Variants in TNFRSF14 observed in about 807,000 individuals in gnomAD.
TNFRSF14 encodes TNF receptor superfamily member 14, also known as tumor necrosis factor receptor superfamily member 14.
TNFRSF14 carries 18 observed loss-of-function variants against 34.1 expected under a neutral mutation model. The ratio of observed to expected loss-of-function variants is 0.53; its 90% CI spans 0.36 to 0.78. TNFRSF14 has a LOEUF of 0.78. Ranked by LOEUF, TNFRSF14 falls within the 30% of genes least tolerant of loss-of-function variation. The probability of loss-of-function intolerance (pLI) is 0.00; values close to 1 mark genes in which losing one functional copy is unlikely to be tolerated. For synonymous variants in TNFRSF14, 157 were observed against 153.2 expected (o/e 1.02, Z -0.18); for missense variants, 352 against 379.5 (o/e 0.93, Z 0.60).
chr1:2,561,351 T>A lies in TNFRSF14; in HGVS notation c.552-322T>A. On this transcript the variant is annotated intron_variant, in intron 5 of 7. Transcript: ENST00000355716. The surrounding 1 kb of genome is among the most constrained non-coding windows in gnomAD (Gnocchi z 6.0). ...TCTCCCTCTACCTTCTGTCCTTGTC[T>A]GCCACTGGTCTCCCGTGCTCTGGGG... 1.3e-6 allele frequency: 1 copy of A among 747,628 alleles called. No homozygotes were observed. 46.3% of individuals were successfully genotyped at this position (747,628 alleles called of 1,614,324 possible). A position where few individuals can be genotyped will look rare whatever the true frequency, so the allele number is the denominator to read the frequency against.
intron 1 of TNFRSF14, chr1:2,556,974 C>T (rs989996838): frequency 3.4e-5 from 16 of 476,366 alleles, no homozygotes; most frequent in Non-Finnish European, 4.1e-5. Context: ...GTCCCCCACT[C>T]ACCACTCCGT....
intron 6 of TNFRSF14, 45 bp from the exon 7 acceptor site, chr1:2,562,820 G>A (rs537977706): frequency 3.7e-6 from 6 of 1,613,442 alleles, no homozygotes; most frequent in Admixed American, 1.7e-5. Context: ...TGTGTCCCCT[G>A]ATCAGACACT....
intron 3 of TNFRSF14, 91 bp from the exon 4 acceptor site, chr1:2,559,732 C>G: frequency 6.5e-7 from 1 of 1,539,356 alleles, no homozygotes; most frequent in East Asian, 2.4e-5. Context: ...GGCGCCCTGG[C>G]AGCAGTCCTT....
chr1:2,563,663 C>T lies in TNFRSF14; in HGVS notation c.*390C>T. 2 of 275,554 alleles carry T rather than the reference C, an allele frequency of 7.3e-6. No homozygotes were observed. The highest frequency in any genetic ancestry group is 1.4e-5 in the Non-Finnish European group (2 of 144,874). 17.1% of individuals were successfully genotyped at this position (275,554 alleles called of 1,614,324 possible). On this transcript the variant is annotated 3_prime_UTR_variant, in exon 8 of 8. Coordinates refer to ENST00000355716, the MANE Select transcript of TNFRSF14 (RefSeq NM_003820.4). ...AGGACAGGCCCCGGGCACTGCCTCA[C>T]AGCCAAGGCTGGACTGGGTTGGCTG... is the stretch of plus-strand genomic sequence containing the variant.
intron 4 of TNFRSF14, 158 bp from the exon 5 acceptor site, chr1:2,560,466 C>T (rs761739284): frequency 2.0e-5 from 12 of 608,326 alleles, no homozygotes; most frequent in South Asian, 1.6e-4. Flanking sequence ...CAGGCCCCAC[C>T]TCCAAGACTC....
intron 3 of TNFRSF14, chr1:2,559,372 C>G: frequency 7.3e-7 from 1 of 1,376,790 alleles, no homozygotes; most frequent in Non-Finnish European, 9.6e-7. Flanking sequence ...TACCCCACCT[C>G]CACCAGTACC....
chr1:2,560,577 C>A, intron 4 of TNFRSF14, 47 bp from the exon 5 acceptor site: 1 of 1,497,464 alleles, frequency 6.7e-7, no homozygotes, highest in Non-Finnish European at 9.2e-7. Context: ...CCAGCCCCCT[C>A]CTGGCCTGGT....
In TNFRSF14 at chr1:2,558,350, T is replaced by C. The variant is rs1305675703; in HGVS notation, c.186T>C (p.Arg62=). 2.5e-6 allele frequency: 4 copies of C among 1,604,786 alleles called. No individual in the cohort carries two copies. The highest frequency in any genetic ancestry group is 3.4e-6 in the Non-Finnish European group (4 of 1,176,554). The change falls in exon 3 of 8, where the codon CGT becomes CGC. Residue 62 remains arginine, a synonymous_variant. Transcript: ENST00000355716. ...CCACTCTCTGGGCGGCAGGTTATCG[T>C]GTGAAGGAGGCCTGCGGGGAGCTGA... ...ECCPKCSPGY[R]VKEACGELTG... is the part of the protein sequence containing the mutation.
chr1:2,559,331 C>A, intron 3 of TNFRSF14: 1 of 1,370,932 alleles, frequency 7.3e-7, no homozygotes, highest in African/African-American at 1.4e-5. Context: ...GCAGGTGAGG[C>A]TGCCCTCAGG....
At position 2,556,423 on chromosome 1, in the gene TNFRSF14, C is replaced by A. The variant is rs758424875; in HGVS notation, c.-242C>A. 2 of 693,536 alleles carry A rather than the reference C, an allele frequency of 2.9e-6. No homozygotes were observed. Among genetic ancestry groups the A allele is most frequent in the South Asian group, 3.0e-5 (2 of 66,646 alleles). The allele number at this position is 693,536 out of a possible 1,614,324, so 43.0% of individuals were successfully genotyped here. On this transcript the variant is annotated 5_prime_UTR_variant, in exon 1 of 8. Coordinates refer to ENST00000355716, the MANE Select transcript of TNFRSF14 (RefSeq NM_003820.4). ...TGGACAGCTCCTGCCTCCCGCAGGGCCCACCTGTGTCCCCCAGCGCCGCTC... is the reference window on the plus strand; with the variant it reads ...TGGACAGCTCCTGCCTCCCGCAGGGACCACCTGTGTCCCCCAGCGCCGCTC...
At chr1:2,562,636 G>C (rs932710501) in intron 6 of TNFRSF14, 1 of 619,254 alleles carries the variant, frequency 1.6e-6, no homozygotes, top group Non-Finnish European at 2.9e-6. Context: ...GAGGTGGGCC[G>C]GGCGCCCCCA....
At chr1:2,558,532 A>G in intron 3 of TNFRSF14, 64 bp downstream of exon 3, 5 of 1,596,166 alleles carry the variant, frequency 3.1e-6, no homozygotes, top group Non-Finnish European at 4.3e-6. Context: ...CGCACCCTGC[A>G]CCCTCTCTCC....
chr1:2,563,245 C>T lies in TNFRSF14; in HGVS notation c.824C>T (p.Ser275Leu). 6.2e-7 allele frequency: 1 copy of T among 1,613,510 alleles called. No homozygotes were observed. Among genetic ancestry groups the T allele is most frequent in the South Asian group, 1.1e-5 (1 of 91,084 alleles). Residue 275 changes from serine (S) to leucine (L), a missense_variant, in exon 8 of 8, where the codon TCA (serine) becomes TTA (leucine). Coordinates refer to ENST00000355716, the MANE Select transcript of TNFRSF14 (RefSeq NM_003820.4). ...GTGGCCGTGGAGGAGACAATACCCTCATTCACGGGGAGGAGCCCAAACCAC... is the reference window on the plus strand; with the variant it reads ...GTGGCCGTGGAGGAGACAATACCCTTATTCACGGGGAGGAGCCCAAACCAC... Reference protein sequence around the residue: ...TTVAVEETIPSFTGRSPNH With the variant: ...TTVAVEETIPLFTGRSPNH
At chr1:2,558,783 C>T (rs1235672013) in intron 3 of TNFRSF14, 13 of 1,307,648 alleles carry the variant, frequency 9.9e-6, no homozygotes, top group Non-Finnish European at 1.3e-5. Context: ...GTGCCCACGT[C>T]CCTAGCTGCA....
intron 7 of TNFRSF14, 78 bp downstream of exon 7, chr1:2,562,974 G>C (rs1644332770): frequency 6.5e-7 from 1 of 1,545,226 alleles, no homozygotes; most frequent in Admixed American, 1.8e-5. Flanking sequence ...GGTGTTTCTG[G>C]TGTACATGGT....
rs973883694 is a variant in TNFRSF14 at position 2,560,827 on chromosome 1, G to T, written c.551+113G>T. The stretch of plus-strand genomic sequence containing the variant: ...GAAAGGCTTGAAGGTCCCACCCTGA[G>T]CGGCACCCTGGTCACATGCCTGCGT... On this transcript the variant is annotated intron_variant, in intron 5 of 7. Coordinates refer to ENST00000355716, the MANE Select transcript of TNFRSF14 (RefSeq NM_003820.4). 2.7e-5 allele frequency: 25 copies of T among 936,212 alleles called. 1 individual carries two copies. The South Asian group carries it at 2.8e-4, about 10-fold the overall frequency. 58.0% of individuals were successfully genotyped at this position (936,212 alleles called of 1,614,324 possible).
chr1:2,563,225 C>T lies in TNFRSF14; in HGVS notation c.804C>T (p.Ala268=), dbSNP rs143434180. The part of the protein sequence containing the change: ...LQAPPDVTTV[A]VEETIPSFTG... ...CCCCTCCGGACGTCACCACGGTGGC[C>T]GTGGAGGAGACAATACCCTCATTCA... Residue 268 remains alanine (A), a synonymous_variant, in exon 8 of 8, where the codon GCC becomes GCT. Coordinates refer to ENST00000355716, the MANE Select transcript of TNFRSF14 (RefSeq NM_003820.4). The T allele has an allele frequency of 8.6e-5, 138 of 1,613,470 alleles. 1 individual carries two copies. Among genetic ancestry groups the T allele is most frequent in the African/African-American group, 1.5e-4 (11 of 75,052 alleles).
At chr1:2,557,219 C>T (rs1309406708) in intron 1 of TNFRSF14, among the ~76,000 whole-genome samples, 2 of 152,234 alleles carry the variant, frequency 1.3e-5, no homozygotes, top group East Asian at 3.8e-4. Context: ...CTATCCCCAT[C>T]AGGGGCCCCC....
intron 5 of TNFRSF14, chr1:2,560,979 G>A (rs1421349357): frequency 1.0e-5 from 5 of 484,496 alleles, no homozygotes; most frequent in Non-Finnish European, 1.8e-5. Flanking sequence ...AGGCCCAGAG[G>A]GAGGCTGCCT....
Sources: allele counts gnomAD v4.1 joint callset (sites outside exome capture counted in the v4.1 genomes callset), GRCh38; gene constraint gnomAD v4.1.1; non-coding constraint Gnocchi (gnomAD v3.1); transcripts MANE v1.5; gene names NCBI Gene and HGNC (gene_info 2026-07-23, HGNC 2026-07-21).